The following FMN1 variants were observed in gnomAD, a reference collection of about 807,000 sequenced individuals.
FMN1 encodes the protein formin-1.
A neutral mutation model predicts 132.4 loss-of-function variants in FMN1; 110 were observed. The observed-to-expected ratio is 0.83, with a 90% CI of 0.71 to 0.97. The LOEUF is 0.97. Ranked by LOEUF, FMN1 falls within the 50% of genes least tolerant of loss-of-function variation. FMN1 has a pLI of 0.00. For missense variants in FMN1, 1,792 were observed against 1,705.3 expected (o/e 1.05, Z -0.90); for synonymous variants, 722 against 651.7 (o/e 1.11, Z -1.64).
chr15:33,049,817 T>C (rs1020421005), intron 6 of FMN1, among the ~76,000 whole-genome samples: 2 of 152,216 alleles, frequency 1.3e-5, no homozygotes, highest in Non-Finnish European at 1.5e-5. Context: ...ACTTATGTTT[T>C]CTGTACGTCA....
intron 7 of FMN1, among the ~76,000 whole-genome samples, chr15:33,006,559 G>A (rs1014388733): frequency 6.6e-6 from 1 of 151,146 alleles, no homozygotes; most frequent in Non-Finnish European, 1.5e-5. Context: ...AGGAAATGAA[G>A]TCAGTATGTT....
chr15:33,180,523 A>G (rs1263564045), intron 2 of FMN1, among the ~76,000 whole-genome samples: 1 of 152,116 alleles, frequency 6.6e-6, no homozygotes, highest in African/African-American at 2.4e-5. Flanking sequence ...TGGGTTGCTT[A>G]TGATTGAAGA....
At chr15:32,922,783 C>T (rs11632728) in intron 10 of FMN1, among the ~76,000 whole-genome samples, 49,917 of 152,054 alleles carry the variant, frequency 0.33, 8,480 homozygotes, top group African/African-American at 0.36. Context: ...TTCCTATCAA[C>T]TTAATGGTAG....
At chr15:32,902,093 A>C in intron 12 of FMN1, 53 bp from the exon 13 acceptor site, 4 of 1,527,386 alleles carry the variant, frequency 2.6e-6, no homozygotes, top group Non-Finnish European at 3.6e-6. Flanking sequence ...CAAGGAAAAT[A>C]AAAAGACAGC....
At chr15:32,886,220 T>C (rs867827240) in intron 16 of FMN1, among the ~76,000 whole-genome samples, 14 of 152,222 alleles carry the variant, frequency 9.2e-5, no homozygotes, top group Admixed American at 9.2e-4. Flanking sequence ...CTCTAAAGAT[T>C]AGCAGGGCAT....
chr15:32,965,167 G>A (rs995995235), intron 8 of FMN1, among the ~76,000 whole-genome samples: 3 of 152,154 alleles, frequency 2.0e-5, no homozygotes, highest in East Asian at 3.8e-4. Context: ...GGAGGCTGAG[G>A]TGGGCAGATC....
chr15:32,915,980 T>C (rs1025575116), intron 10 of FMN1, among the ~76,000 whole-genome samples: 4 of 152,242 alleles, frequency 2.6e-5, no homozygotes, highest in African/African-American at 9.6e-5. Context: ...GCTTCTTTTT[T>C]GCAGGGAAAT....
intron 9 of FMN1, among the ~76,000 whole-genome samples, chr15:32,949,950 TATATATATATATATACAC>T (rs2061591428): frequency 2.0e-5 from 1 of 50,468 alleles, no homozygotes; most frequent in Non-Finnish European, 3.5e-5. Context: ...CATATATATA[TATATATATATATATACAC>T]ACATATATAT....
intron 10 of FMN1, among the ~76,000 whole-genome samples, chr15:32,922,218 A>G (rs1355562356): frequency 6.6e-6 from 1 of 152,162 alleles, no homozygotes; most frequent in Admixed American, 6.5e-5. Flanking sequence ...CACTCTATAC[A>G]GTTTTATGGA....
chr15:33,105,914 G>C (rs2039467347), intron 4 of FMN1: 2 of 152,092 alleles, frequency 1.3e-5, no homozygotes, highest in Admixed American at 6.6e-5. Flanking sequence ...TAGTGAGAAA[G>C]GGTTTGCAGT....
At chr15:33,136,515 A>G (rs1963772733) in intron 4 of FMN1, among the ~76,000 whole-genome samples, 2 of 152,150 alleles carry the variant, frequency 1.3e-5, no homozygotes, top group African/African-American at 4.8e-5. Context: ...CAGGGTGAAA[A>G]TGTCTAAGCA....
intron 6 of FMN1, among the ~76,000 whole-genome samples, chr15:33,044,134 T>C (rs1274446867): frequency 6.6e-6 from 1 of 152,230 alleles, no homozygotes; most frequent in East Asian, 1.9e-4. Flanking sequence ...CCCTGGGGCC[T>C]TGGTGCCCTC....
At chr15:33,164,473 G>A (rs955184318) in intron 3 of FMN1, among the ~76,000 whole-genome samples, 1 of 152,170 alleles carries the variant, frequency 6.6e-6, no homozygotes, top group Admixed American at 6.5e-5. Context: ...GCTCCTTTTT[G>A]TGTACGTTTT....
Position 32,929,594 on chromosome 15 carries a change from T to C in FMN1, c.3139-3333A>G, listed in dbSNP as rs1391322337. On this transcript the variant is annotated intron_variant, in intron 9 of 20. Coordinates refer to ENST00000616417, the MANE Select transcript of FMN1 (RefSeq NM_001277313.2). ...AGAATAGCAGATTTCCAATTCGCCGTTGTTCCAGCCCCTGGGAACCACCAT... is the reference window on the plus strand; with the variant it reads ...AGAATAGCAGATTTCCAATTCGCCGCTGTTCCAGCCCCTGGGAACCACCAT... Among the ~76,000 whole-genome samples the C allele has an allele frequency of 8.5e-5, 13 of 152,316 alleles. No individual in the cohort carries two copies. In the East Asian group the frequency reaches 2.5e-3, roughly 29 times the overall value.
At position 32,798,825 on chromosome 15, in the gene FMN1, C is replaced by G. The variant is rs781765536; in HGVS notation, c.4109G>C (p.Ser1370Thr). 7 of 1,613,014 alleles carry G rather than the reference C, an allele frequency of 4.3e-6. No individual in the cohort carries two copies. In the South Asian group the frequency reaches 7.7e-5, roughly 18 times the overall value. ...SDFKTIWKRE[S>T]KNISKERLKM... is the part of the protein sequence containing the mutation. ...TTACCTTTCTTTAGATATGTTTTTACTCTCCCGTTTCCAAATTGTCTTGAA... is the reference window on the plus strand; with the variant it reads ...TTACCTTTCTTTAGATATGTTTTTAGTCTCCCGTTTCCAAATTGTCTTGAA... The change falls in exon 19 of 21, where the codon AGT (serine) becomes ACT (threonine). Residue 1370 changes from serine (S) to threonine (T), a missense_variant. Ser to Thr is a moderately conservative substitution (Grantham distance 58, BLOSUM62 1). This residue lies in a region of FMN1 where 1,150 missense variants were observed against 1,043.1 expected (regional missense o/e 1.10). Transcript: ENST00000616417.
intron 6 of FMN1, among the ~76,000 whole-genome samples, chr15:33,054,567 A>C (rs1037992027): frequency 1.3e-5 from 2 of 152,212 alleles, no homozygotes; most frequent in African/African-American, 4.8e-5. Flanking sequence ...ACTGAGAAGC[A>C]AGAGCAATCT....
Position 33,153,480 on chromosome 15 carries a change from C to T in FMN1, c.1435G>A (p.Gly479Ser), listed in dbSNP as rs1381345818. The T allele has an allele frequency of 1.2e-5, 19 of 1,536,512 alleles. No homozygotes were observed. Among genetic ancestry groups the T allele is most frequent in the Non-Finnish European group, 1.7e-5 (19 of 1,147,024 alleles). ...SLFLDLPHKV[G>S]PDSSQPRGDK... is the part of the protein sequence containing the mutation. ...CCTCTGGGTTGTGAGGAGTCAGGACCTACTTTGTGGGGCAGATCCAGAAAC... is the reference window on the plus strand; with the variant it reads ...CCTCTGGGTTGTGAGGAGTCAGGACTTACTTTGTGGGGCAGATCCAGAAAC... The change falls in exon 4 of 21, where the codon GGT becomes AGT. Residue 479 changes from glycine (G) to serine (S), a missense_variant. Transcript: ENST00000616417.
At chr15:33,178,371 T>A (rs1250089159) in intron 3 of FMN1, among the ~76,000 whole-genome samples, 1 of 152,122 alleles carries the variant, frequency 6.6e-6, no homozygotes. Flanking sequence ...AAGGCAAAAA[T>A]TTTCAACTTG....
chr15:33,176,779 T>C (rs1294377000), intron 3 of FMN1, among the ~76,000 whole-genome samples: 1 of 152,200 alleles, frequency 6.6e-6, no homozygotes, highest in Non-Finnish European at 1.5e-5. Flanking sequence ...GGTCACCCTG[T>C]CGGTGGAGAA....
Sources: allele counts gnomAD v4.1 joint callset (sites outside exome capture counted in the v4.1 genomes callset), GRCh38; gene constraint gnomAD v4.1.1; regional missense constraint gnomAD v4.1.1; transcripts MANE v1.5; gene names NCBI Gene and HGNC (gene_info 2026-07-23, HGNC 2026-07-21).